Variants in ALG9 observed in about 807,000 individuals in gnomAD.
ALG9 encodes the protein ALG9 alpha-1,2-mannosyltransferase.
ALG9 carries 55 observed loss-of-function variants against 81.8 expected under a neutral mutation model. That is an observed-to-expected ratio of 0.67 (90% confidence interval 0.54 to 0.84). ALG9 has a LOEUF of 0.84. Ranked by LOEUF, ALG9 falls within the 40% of genes least tolerant of loss-of-function variation. The pLI, the probability that ALG9 is intolerant of heterozygous loss-of-function variation, is 0.00. For missense variants in ALG9, 629 were observed against 745.0 expected, an observed-to-expected ratio of 0.84 and a Z score of 1.81; for synonymous variants, 278 against 274.3, an observed-to-expected ratio of 1.01 and a Z score of -0.13.
Position 111,838,337 on chromosome 11 carries a change from G to C in ALG9, c.1236C>G (p.His412Gln). 2 of 1,613,920 alleles carry C rather than the reference G, an allele frequency of 1.2e-6. No individual in the cohort carries two copies. The highest frequency in any genetic ancestry group is 1.7e-6 in the Non-Finnish European group (2 of 1,179,794). Reference sequence around the variant, plus strand: ...CCAGCCAATTCGATGTCACAGTATAGTGCTCCAGGCGATATCGTTGAAACA... The same window carrying C: ...CCAGCCAATTCGATGTCACAGTATACTGCTCCAGGCGATATCGTTGAAACA... Reference protein sequence around the residue: ...HFVFQRYRLEHYTVTSNWLAL... With the variant: ...HFVFQRYRLEQYTVTSNWLAL... Residue 412 changes from histidine to glutamine, a missense_variant, in exon 11 of 15, where the codon CAC (histidine) becomes CAG (glutamine). His to Gln is a conservative substitution (Grantham distance 24). Coordinates refer to ENST00000616540, the MANE Select transcript of ALG9 (RefSeq NM_024740.2).
At chr11:111,847,099 T>C (rs552631038) in intron 8 of ALG9, among the ~76,000 whole-genome samples, 1 of 152,202 alleles carries the variant, frequency 6.6e-6, no homozygotes, top group African/African-American at 2.4e-5. Context: ...GTTATAATTT[T>C]ATAGACCTGT....
intron 8 of ALG9, among the ~76,000 whole-genome samples, chr11:111,848,682 C>G (rs898472024): frequency 2.6e-5 from 4 of 151,982 alleles, no homozygotes; most frequent in Non-Finnish European, 1.5e-5. Context: ...AATCATCTTG[C>G]TCATGTCTGA....
downstream of ALG9, among the ~76,000 whole-genome samples, chr11:111,777,267 T>C (rs1945731193): frequency 6.6e-6 from 1 of 152,208 alleles, no homozygotes; most frequent in South Asian, 2.1e-4. Context: ...TGATGGACAA[T>C]TCACCCCTTG....
rs73558081 is a variant in ALG9 at position 111,867,108 on chromosome 11, A to C, written c.405+1494T>G. Among the ~76,000 whole-genome samples the C allele has an allele frequency of 9.6e-3, 1,469 of 152,244 alleles. 39 individuals are homozygous for C. The highest frequency in any genetic ancestry group is 0.034 in the African/African-American group (1,407 of 41,522). On this transcript the variant is annotated intron_variant, in intron 3 of 14. Coordinates refer to ENST00000616540, the MANE Select transcript of ALG9 (RefSeq NM_024740.2). ...AGACTTCGTCTCAAAAACAAACCAA[A>C]CAAACAAACAAACAAAAAAATGGAA...
downstream of ALG9, among the ~76,000 whole-genome samples, chr11:111,779,338 C>T (rs1205092060): frequency 2.0e-5 from 3 of 151,818 alleles, no homozygotes; most frequent in Non-Finnish European, 2.9e-5. Context: ...ACAGTTTGTG[C>T]GAGAGTGAAG....
At chr11:111,864,081 C>T (rs1210813112) in intron 4 of ALG9, among the ~76,000 whole-genome samples, 1 of 152,074 alleles carries the variant, frequency 6.6e-6, no homozygotes, top group Non-Finnish European at 1.5e-5. Context: ...GAAATCACCA[C>T]TAAAGAACTT....
chr11:111,835,372 A>G (rs968345486), intron 13 of ALG9, among the ~76,000 whole-genome samples: 1 of 152,232 alleles, frequency 6.6e-6, no homozygotes, highest in African/African-American at 2.4e-5. Context: ...AAGGAACTGA[A>G]GTAAAATTCG....
chr11:111,798,605 T>G (rs141582807), intron 14 of ALG9, among the ~76,000 whole-genome samples: 1 of 152,238 alleles, frequency 6.6e-6, no homozygotes, highest in Non-Finnish European at 1.5e-5. Flanking sequence ...AAAAAAAATC[T>G]TTTATTTTAG....
chr11:111,790,434 A>C (rs1947224904), intron 14 of ALG9, among the ~76,000 whole-genome samples: 1 of 152,232 alleles, frequency 6.6e-6, no homozygotes, highest in Non-Finnish European at 1.5e-5. Context: ...TTCAAGGGCA[A>C]CCTGGGCAAA....
chr11:111,868,474 G>T, intron 3 of ALG9, 128 bp downstream of exon 3: 1 of 1,190,222 alleles, frequency 8.4e-7, no homozygotes, highest in Non-Finnish European at 1.2e-6. Context: ...ATGGTGAATT[G>T]GATAAATGAT....
intron 3 of ALG9, 119 bp from the exon 4 acceptor site, chr11:111,865,370 A>G (rs1489635490): frequency 1.3e-6 from 1 of 756,644 alleles, no homozygotes; most frequent in Admixed American, 2.9e-5. Context: ...TTCTTTTGAA[A>G]AGCAACATGG....
At chr11:111,823,015 ACT>A (rs1354001421) in intron 13 of ALG9, among the ~76,000 whole-genome samples, 10 of 151,902 alleles carry the variant, frequency 6.6e-5, no homozygotes, top group South Asian at 2.1e-4. Flanking sequence ...CAAAACTGAA[ACT>A]CTGTCTCAAA....
chr11:111,821,200 T>C (rs1592057311), intron 13 of ALG9, among the ~76,000 whole-genome samples: 1 of 152,240 alleles, frequency 6.6e-6, no homozygotes, highest in Non-Finnish European at 1.5e-5. Flanking sequence ...CCTACTTTCA[T>C]GCTCTGTATT....
intron 3 of ALG9, among the ~76,000 whole-genome samples, chr11:111,865,666 A>G (rs1962134889): frequency 1.3e-5 from 2 of 152,272 alleles, no homozygotes; most frequent in South Asian, 2.1e-4. Context: ...TTCAACAACC[A>G]TAATATATCA....
At position 111,871,333 on chromosome 11, in the gene ALG9, T is replaced by G; in HGVS notation, c.131+19A>C. The G allele has an allele frequency of 1.4e-6, 2 of 1,464,802 alleles. No homozygotes were observed. The highest frequency in any genetic ancestry group is 1.8e-6 in the Non-Finnish European group (2 of 1,116,206). 90.7% of individuals were successfully genotyped at this position (1,464,802 alleles called of 1,614,324 possible). ...CCGCCCCGCCGGCCGGCCACGCCCC[T>G]GCCGCGCCGCACACGTACTCGGTCC... On this transcript the variant is annotated intron_variant, in intron 1 of 14. Transcript: ENST00000616540.
chr11:111,853,712 C>A lies in ALG9; in HGVS notation c.726G>T (p.Leu242=), dbSNP rs1555141080. Residue 242 remains leucine, a synonymous_variant, in exon 7 of 15, where the codon CTG becomes CTT. Coordinates refer to ENST00000616540, the MANE Select transcript of ALG9 (RefSeq NM_024740.2). ...ALGLPIAFDL[L]VMKHRWKSFF... ...AACTCTTCCACCTGTGTTTCATGAC[C>A]AGCAAATCAAAGGCAATGGGTAAAC... is the stretch of plus-strand genomic sequence containing the variant. The A allele has an allele frequency of 4.3e-6, 7 of 1,614,040 alleles. No homozygotes were observed. Among genetic ancestry groups the A allele is most frequent in the Non-Finnish European group, 5.9e-6 (7 of 1,179,968 alleles).
At chr11:111,812,266 A>G (rs1950830372) in intron 13 of ALG9, among the ~76,000 whole-genome samples, 1 of 152,190 alleles carries the variant, frequency 6.6e-6, no homozygotes, top group Admixed American at 6.5e-5. Context: ...TAGCCAAGGC[A>G]TTCTTAAAAA....
At chr11:111,793,866 C>T (rs1429893259) in intron 14 of ALG9, among the ~76,000 whole-genome samples, 1 of 152,000 alleles carries the variant, frequency 6.6e-6, no homozygotes, top group Non-Finnish European at 1.5e-5. Flanking sequence ...ACAGACAACA[C>T]TAATGCCTAT....
chr11:111,841,157 A>G, intron 9 of ALG9, among the ~76,000 whole-genome samples: 1 of 152,254 alleles, frequency 6.6e-6, no homozygotes, highest in East Asian at 1.9e-4. Context: ...ACTAAGACGA[A>G]AAGTTCCTGA....
Sources: allele counts gnomAD v4.1 joint callset (sites outside exome capture counted in the v4.1 genomes callset), GRCh38; gene constraint gnomAD v4.1.1; transcripts MANE v1.5; gene names NCBI Gene and HGNC (gene_info 2026-07-23, HGNC 2026-07-21).